LINGO2: variants seen among roughly 807,000 people sequenced by gnomAD.
LINGO2 encodes leucine-rich repeat and immunoglobulin-like domain-containing nogo receptor-interacting protein 2.
Under a neutral mutation model 30.6 loss-of-function variants are expected in LINGO2, and 14 were observed. That is an observed-to-expected ratio of 0.46 (90% CI 0.30 to 0.72). The LOEUF (loss-of-function observed/expected upper bound fraction) is 0.72, where lower values mean the gene tolerates loss of function less well. Ranked by LOEUF, LINGO2 falls within the 30% of genes least tolerant of loss-of-function variation. The pLI is 0.07. For synonymous variants in LINGO2, 317 were observed against 288.5 expected (o/e 1.10, Z -1.00); for missense variants, 729 against 751.7 (o/e 0.97, Z 0.35).
chr9:28,198,159 G>GAA (rs150172700), intron 4 of LINGO2, among the ~76,000 whole-genome samples: 3 of 141,386 alleles, frequency 2.1e-5, no homozygotes, highest in South Asian at 2.2e-4. Context: ...GAAATTTCAG[G>GAA]AAAAAAAAAC....
At chr9:28,428,010 T>C (rs1302278396) in intron 2 of LINGO2, among the ~76,000 whole-genome samples, 3 of 152,152 alleles carry the variant, frequency 2.0e-5, no homozygotes, top group Non-Finnish European at 2.9e-5. Context: ...CTTTGCAGAG[T>C]CTCTGTGTGT....
chr9:28,866,767 C>T, the LINGO2 span, among the ~76,000 whole-genome samples: 53 of 152,160 alleles, frequency 3.5e-4, no homozygotes, highest in African/African-American at 1.1e-3. Context: ...CTTCTATCAC[C>T]GGGGGGTAAA....
chr9:28,535,319 T>C (rs1392619833), intron 1 of LINGO2, among the ~76,000 whole-genome samples: 1 of 152,116 alleles, frequency 6.6e-6, no homozygotes, highest in Non-Finnish European at 1.5e-5. Context: ...TAATTAATGT[T>C]TTTAAAACTT....
At chr9:28,311,905 A>T (rs1419325945) in intron 3 of LINGO2, among the ~76,000 whole-genome samples, 1 of 152,196 alleles carries the variant, frequency 6.6e-6, no homozygotes, top group Non-Finnish European at 1.5e-5. Flanking sequence ...AAATCTTCAC[A>T]ATTTATATTC....
the LINGO2 span, among the ~76,000 whole-genome samples, chr9:29,090,972 C>T: frequency 6.6e-6 from 1 of 151,944 alleles, no homozygotes; most frequent in Non-Finnish European, 1.5e-5. Flanking sequence ...TTCCTACATG[C>T]ACAGTTATTT....
the LINGO2 span, among the ~76,000 whole-genome samples, chr9:29,140,028 C>T: frequency 6.6e-6 from 1 of 152,086 alleles, no homozygotes; most frequent in African/African-American, 2.4e-5. Flanking sequence ...AGACAACATG[C>T]ATCCACAGAA....
chr9:29,171,673 A>G, the LINGO2 span, among the ~76,000 whole-genome samples: 3 of 151,976 alleles, frequency 2.0e-5, no homozygotes, highest in Admixed American at 1.3e-4. Flanking sequence ...CAGGTATTCA[A>G]TATAATAAGG....
At chr9:28,711,933 C>A in the LINGO2 span, among the ~76,000 whole-genome samples, 1 of 152,238 alleles carries the variant, frequency 6.6e-6, no homozygotes, top group East Asian at 1.9e-4. Flanking sequence ...CTTACAATGG[C>A]TCTAGGCTGG....
chr9:28,392,893 T>C (rs1223429969), intron 2 of LINGO2, among the ~76,000 whole-genome samples: 1 of 152,208 alleles, frequency 6.6e-6, no homozygotes, highest in Non-Finnish European at 1.5e-5. Context: ...GGCAGTAGTT[T>C]AATAGATTGT....
the LINGO2 span, among the ~76,000 whole-genome samples, chr9:29,204,349 A>T: frequency 6.6e-6 from 1 of 152,236 alleles, no homozygotes; most frequent in Non-Finnish European, 1.5e-5. Flanking sequence ...TTATATGCAC[A>T]TAACACAATT....
chr9:28,703,562 T>G, the LINGO2 span, among the ~76,000 whole-genome samples: 6 of 151,910 alleles, frequency 3.9e-5, no homozygotes, highest in African/African-American at 1.4e-4. Flanking sequence ...AAAAAACGTG[T>G]ATTTCCTTGT....
rs187790025 is a variant in LINGO2 at position 28,516,459 on chromosome 9, T to A, written c.-364-40434A>T. 5.6e-3 allele frequency among the ~76,000 whole-genome samples: 846 copies of A among 152,314 alleles called. 5 individuals carry two copies. The highest frequency in any genetic ancestry group is 7.4e-3 in the Non-Finnish European group (504 of 68,018). ...TTGGTGGAGATGGAGCCACAGCCTGTTGGTTTTAGGGACACAGGTCCTGCC... is the reference window on the plus strand; with the variant it reads ...TTGGTGGAGATGGAGCCACAGCCTGATGGTTTTAGGGACACAGGTCCTGCC... On this transcript the variant is annotated intron_variant, in intron 1 of 5. Coordinates refer to ENST00000379992, the Ensembl canonical transcript of LINGO2.
At chr9:28,482,782 G>C (rs1048038349) in intron 1 of LINGO2, among the ~76,000 whole-genome samples, 2 of 152,028 alleles carry the variant, frequency 1.3e-5, no homozygotes, top group Admixed American at 1.3e-4. Context: ...TGGGAAAACT[G>C]GCTAGCCATA....
the LINGO2 span, among the ~76,000 whole-genome samples, chr9:28,701,762 T>C: frequency 1.3e-5 from 2 of 152,022 alleles, no homozygotes; most frequent in Non-Finnish European, 2.9e-5. Context: ...TGAGTCATCC[T>C]ATTCGTAAAA....
chr9:28,330,361 G>A (rs967375606), intron 3 of LINGO2, among the ~76,000 whole-genome samples: 1 of 152,128 alleles, frequency 6.6e-6, no homozygotes, highest in African/African-American at 2.4e-5. Context: ...AGGTTTACAG[G>A]AAAATTAAGC....
intron 5 of LINGO2, among the ~76,000 whole-genome samples, chr9:28,002,517 A>G (rs1822012603): frequency 1.3e-5 from 2 of 152,106 alleles, no homozygotes; most frequent in Non-Finnish European, 2.9e-5. Context: ...ATCTGTTTAT[A>G]TTCTTATATA....
At chr9:28,597,755 TG>T (rs1234144497) in intron 1 of LINGO2, among the ~76,000 whole-genome samples, 1 of 152,148 alleles carries the variant, frequency 6.6e-6, no homozygotes, top group Non-Finnish European at 1.5e-5. Context: ...TATGCATGTA[TG>T]TATGTATATA....
intron 5 of LINGO2, among the ~76,000 whole-genome samples, chr9:27,969,477 A>G (rs951397015): frequency 6.6e-6 from 1 of 152,202 alleles, no homozygotes; most frequent in African/African-American, 2.4e-5. Flanking sequence ...GGAAATAATG[A>G]TAATAATAAA....
intron 4 of LINGO2, among the ~76,000 whole-genome samples, chr9:28,149,550 G>T (rs1442222225): frequency 6.8e-6 from 1 of 146,658 alleles, no homozygotes; most frequent in African/African-American, 2.5e-5. Context: ...CCCGGGCCCT[G>T]CCCCGTCTGG....
Sources: allele counts gnomAD v4.1 joint callset (sites outside exome capture counted in the v4.1 genomes callset), GRCh38; gene constraint gnomAD v4.1.1; transcripts MANE v1.5; gene names NCBI Gene and HGNC (gene_info 2026-07-23, HGNC 2026-07-21).